The following PLPPR4 variants were observed in gnomAD, a reference collection of about 807,000 sequenced individuals.
PLPPR4 encodes the protein phospholipid phosphatase-related protein type 4.
In PLPPR4, 24 loss-of-function variants were observed where a neutral mutation model predicts 56.6. The observed-to-expected ratio is 0.42, with a 90% CI of 0.31 to 0.60. PLPPR4 has a LOEUF of 0.60. Among genes scored for constraint, PLPPR4 ranks in the 20% least tolerant of loss-of-function variants. The pLI is 0.13. For missense variants in PLPPR4, 654 were observed against 885.8 expected (o/e 0.74, Z 3.32); for synonymous variants, 326 against 328.1 (o/e 0.99, Z 0.07).
Position 99,264,620 on chromosome 1 carries a change from C to A in PLPPR4, c.27C>A (p.Gly9=). Residue 9 remains glycine, a synonymous_variant, in exon 1 of 7, where the codon GGC becomes GGA. Coordinates refer to ENST00000370185, the MANE Select transcript of PLPPR4 (RefSeq NM_014839.5). MSAKERPK[G]KVIKDSVTLL... ...TGTCGGCGAAGGAGAGGCCAAAGGG[C>A]AAAGTGATCAAGGACAGCGTCACCC... 1 of 1,550,732 alleles carries A rather than the reference C, an allele frequency of 6.4e-7. No individual in the cohort carries two copies. The highest frequency in any genetic ancestry group is 1.2e-5 in the South Asian group (1 of 84,064).
At chr1:99,290,291 G>C (rs772572553) in intron 2 of PLPPR4, among the ~76,000 whole-genome samples, 4 of 152,092 alleles carry the variant, frequency 2.6e-5, no homozygotes, top group African/African-American at 4.8e-5. Context: ...ATAAATCAGA[G>C]ATGACATAAA....
At chr1:99,291,386 A>G (rs367774993) in intron 2 of PLPPR4, among the ~76,000 whole-genome samples, 41 of 152,346 alleles carry the variant, frequency 2.7e-4, no homozygotes, top group African/African-American at 8.9e-4. Flanking sequence ...AAAGACCTAA[A>G]GTCAGAACTA....
chr1:99,269,244 AG>A (rs1354866332), intron 1 of PLPPR4, among the ~76,000 whole-genome samples: 2 of 152,368 alleles, frequency 1.3e-5, no homozygotes, highest in African/African-American at 2.4e-5. Context: ...ATCCCTGCAA[AG>A]GACATGAAGT....
At chr1:99,263,145 A>G (rs1658803354), upstream of PLPPR4, among the ~76,000 whole-genome samples, 2 of 152,016 alleles carry the variant, frequency 1.3e-5, no homozygotes, top group South Asian at 4.1e-4. Flanking sequence ...CGTGGGGGCA[A>G]CTCCAGGACC....
rs947609030 is a variant in PLPPR4, at chr1:99,308,876, G to A, written c.*1866G>A. The A allele has an allele frequency of 1.3e-5, 2 of 152,528 alleles. No individual in the cohort carries two copies. The highest frequency in any genetic ancestry group is 4.8e-5 in the African/African-American group (2 of 41,412). 9.4% of individuals were successfully genotyped at this position (152,528 alleles called of 1,614,324 possible). A position where few individuals can be genotyped will look rare whatever the true frequency, so the allele number is the denominator to read the frequency against. On this transcript the variant is annotated 3_prime_UTR_variant, in exon 7 of 7. Coordinates refer to ENST00000370185, the MANE Select transcript of PLPPR4 (RefSeq NM_014839.5). ...CATCATGACGCTCATACTGGCTTTT[G>A]CCTGTTTGTAGAGGAAAAGGTGGGC...
chr1:99,304,459 G>C (rs2100811925), intron 6 of PLPPR4, among the ~76,000 whole-genome samples: 1 of 152,256 alleles, frequency 6.6e-6, no homozygotes, highest in Non-Finnish European at 1.5e-5. Flanking sequence ...ACACATGGCT[G>C]TACTTGTATG....
chr1:99,306,624 ATCCCG>A lies in PLPPR4; in HGVS notation c.1766_1770del (p.Pro589HisfsTer2). The A allele has an allele frequency of 1.2e-6, 2 of 1,614,076 alleles. No individual in the cohort carries two copies. The highest frequency in any genetic ancestry group is 2.2e-5 in the South Asian group (2 of 91,072). On this transcript the variant is annotated frameshift_variant, in exon 7 of 7. Transcript: ENST00000370185. LOFTEE classifies it high-confidence loss of function. This position sits in a 1 kb window ranked among gnomAD's most constrained non-coding sequence, Gnocchi z 4.0. ...AGAGAACAACAGGCCCATCATACAG[ATCCCG>A]TCCACTGAAGGTGAAGGCAGTGGCT...
At chr1:99,271,482 C>T (rs1464385681) in intron 1 of PLPPR4, among the ~76,000 whole-genome samples, 2 of 152,176 alleles carry the variant, frequency 1.3e-5, no homozygotes, top group Non-Finnish European at 2.9e-5. Context: ...ACTTGGCTAG[C>T]TTCATGGTAT....
chr1:99,282,904 A>G (rs891717913), intron 1 of PLPPR4, among the ~76,000 whole-genome samples: 9 of 149,424 alleles, frequency 6.0e-5, no homozygotes, highest in Non-Finnish European at 1.3e-4. Context: ...TCTTTATAGT[A>G]TGTGTTCTTT....
At chr1:99,283,396 G>C (rs1304192175) in intron 1 of PLPPR4, among the ~76,000 whole-genome samples, 1 of 152,126 alleles carries the variant, frequency 6.6e-6, no homozygotes, top group Non-Finnish European at 1.5e-5. Context: ...TATCATGATA[G>C]TTTTGATAAA....
chr1:99,274,854 G>A (rs1194345268), intron 1 of PLPPR4, among the ~76,000 whole-genome samples: 1 of 152,118 alleles, frequency 6.6e-6, no homozygotes, highest in East Asian at 1.9e-4. Context: ...AAACTCGTCA[G>A]CAGCAGTGTC....
intron 6 of PLPPR4, among the ~76,000 whole-genome samples, chr1:99,304,660 G>T (rs558693575): frequency 2.0e-5 from 3 of 152,272 alleles, no homozygotes; most frequent in South Asian, 2.1e-4. Flanking sequence ...CTGTACTCTT[G>T]CCCTGAAATT....
At chr1:99,304,682 A>T (rs959899655) in intron 6 of PLPPR4, among the ~76,000 whole-genome samples, 1 of 152,204 alleles carries the variant, frequency 6.6e-6, no homozygotes, top group Non-Finnish European at 1.5e-5. Flanking sequence ...GAAAATTTTC[A>T]GTTCTAAGCC....
intron 1 of PLPPR4, among the ~76,000 whole-genome samples, chr1:99,268,935 T>G (rs116309700): frequency 6.6e-6 from 1 of 152,110 alleles, no homozygotes; most frequent in African/African-American, 2.4e-5. Flanking sequence ...AACTTTTTGT[T>G]TATTATTATA....
chr1:99,291,560 T>G (rs938796069), intron 2 of PLPPR4, among the ~76,000 whole-genome samples: 2 of 152,112 alleles, frequency 1.3e-5, no homozygotes, highest in Admixed American at 1.3e-4. Context: ...ATAAAGAAAA[T>G]GTGGTACATA....
At chr1:99,296,892 A>C (rs1226882585) in intron 3 of PLPPR4, 25 bp downstream of exon 3, 1 of 1,511,358 alleles carries the variant, frequency 6.6e-7, no homozygotes. Flanking sequence ...CCACAAAGAA[A>C]AGAAATGCTT....
intron 1 of PLPPR4, among the ~76,000 whole-genome samples, chr1:99,283,725 C>T (rs1377528913): frequency 4.6e-5 from 7 of 152,134 alleles, no homozygotes; most frequent in African/African-American, 9.7e-5. Flanking sequence ...CCAAGGCGGG[C>T]GGATCACCGA....
chr1:99,298,163 G>T (rs1376042655), intron 3 of PLPPR4, among the ~76,000 whole-genome samples: 1 of 152,074 alleles, frequency 6.6e-6, no homozygotes, highest in Non-Finnish European at 1.5e-5. Context: ...GGTGACTGAA[G>T]AATTACCCTG....
Position 99,305,742 on chromosome 1 carries a change from G to C in PLPPR4, c.880G>C (p.Asp294His), listed in dbSNP as rs1660006399. 2.5e-6 allele frequency: 4 copies of C among 1,613,914 alleles called. No individual in the cohort carries two copies. Among genetic ancestry groups the C allele is most frequent in the African/African-American group, 2.7e-5 (2 of 74,888 alleles). The change falls in exon 7 of 7, where the codon GAC (aspartate) becomes CAC (histidine). Residue 294 changes from aspartate (D) to histidine (H), a missense_variant. Physicochemically the swap from Asp to His is moderately conservative, Grantham distance 81. This residue lies in a region of PLPPR4 where 468 missense variants were observed against 554.3 expected (regional missense o/e 0.84). Coordinates refer to ENST00000370185, the MANE Select transcript of PLPPR4 (RefSeq NM_014839.5). ...PSDESMFQHR[D>H]ALRSLTDLNQ... ...TGATGAGAGTATGTTTCAGCACAGAGACGCCCTCAGGTCTCTGACAGACCT... is the reference window on the plus strand; with the variant it reads ...TGATGAGAGTATGTTTCAGCACAGACACGCCCTCAGGTCTCTGACAGACCT...
Sources: allele counts gnomAD v4.1 joint callset (sites outside exome capture counted in the v4.1 genomes callset), GRCh38; gene constraint gnomAD v4.1.1; regional missense constraint gnomAD v4.1.1; non-coding constraint Gnocchi (gnomAD v3.1); transcripts MANE v1.5; gene names NCBI Gene and HGNC (gene_info 2026-07-23, HGNC 2026-07-21).